The following PLCXD1 variants were observed in gnomAD, a reference collection of about 807,000 sequenced individuals.
PLCXD1 encodes the protein phosphatidylinositol specific phospholipase C X domain containing 1.
In PLCXD1, 45 loss-of-function variants were observed where a neutral mutation model predicts 37.8. The ratio of observed to expected loss-of-function variants is 1.19; its 90% confidence interval spans 0.94 to 1.53. The LOEUF (loss-of-function observed/expected upper bound fraction) is 1.53. Ranked by LOEUF, PLCXD1 falls within the 40% of genes most tolerant of loss-of-function variation. PLCXD1 has a pLI of 0.00. For synonymous variants in PLCXD1, 246 were observed against 206.9 expected (o/e 1.19, Z -1.62); for missense variants, 539 against 454.7 (o/e 1.19, Z -1.69).
rs1343866126 is a variant in PLCXD1, at chrX:302,408, T to C, written c.*3073T>C. On this transcript the variant is annotated 3_prime_UTR_variant, in exon 7 of 7. Transcript: ENST00000381657. ...TCCTGCAAATACTTTTTTTTGTTTT[T>C]TTGAGATGGATTTTCCCTCTTGTTG... The C allele has an allele frequency of 6.7e-6, 1 of 149,896 alleles. No individual in the cohort carries two copies. Among genetic ancestry groups the C allele is most frequent in the Admixed American group, 6.6e-5 (1 of 15,094 alleles). 9.3% of individuals were successfully genotyped at this position (149,896 alleles called of 1,614,324 possible).
chrX:283,364 A>T (rs2069336397), intron 1 of PLCXD1: 1 of 151,830 alleles, frequency 6.6e-6, no homozygotes, highest in Non-Finnish European at 1.5e-5. Context: ...AGCCCGTGTT[A>T]TACGGTGCCT....
chrX:293,908 T>G (rs1359060644), intron 6 of PLCXD1, among the ~76,000 whole-genome samples: 1 of 152,212 alleles, frequency 6.6e-6, no homozygotes, highest in Non-Finnish European at 1.5e-5. Flanking sequence ...AAACAGGGTC[T>G]CTCCTTTTAG....
At chrX:278,265 C>T (rs752480069), upstream of PLCXD1, among the ~76,000 whole-genome samples, 394 of 149,838 alleles carry the variant, frequency 2.6e-3, 1 homozygote, top group African/African-American at 9.2e-3. Context: ...GGGACTGTGA[C>T]GGGGGAAGGG....
At chrX:284,511 CAT>C (rs1185153080) in intron 2 of PLCXD1, among the ~76,000 whole-genome samples, 197 bp downstream of exon 2, 33 of 152,312 alleles carry the variant, frequency 2.2e-4, no homozygotes, top group Non-Finnish European at 3.7e-4. Flanking sequence ...CACATATGTA[CAT>C]AGTCATGGAC....
At chrX:296,847 G>C (rs1481359392) in intron 6 of PLCXD1, among the ~76,000 whole-genome samples, 1 of 149,958 alleles carries the variant, frequency 6.7e-6, no homozygotes, top group Non-Finnish European at 1.5e-5. Flanking sequence ...ATGGGGATTA[G>C]GACGTGGACA....
At chrX:282,910 A>G (rs966942972) in intron 1 of PLCXD1, among the ~76,000 whole-genome samples, 1 of 143,410 alleles carries the variant, frequency 7.0e-6, no homozygotes, top group African/African-American at 2.6e-5. Flanking sequence ...TATATTATAT[A>G]TGTATATATG....
intron 6 of PLCXD1, among the ~76,000 whole-genome samples, chrX:294,286 T>G (rs1341501339): frequency 6.6e-6 from 1 of 151,944 alleles, no homozygotes; most frequent in Admixed American, 6.6e-5. Context: ...ATCGAGACCA[T>G]CCCGGCTAAC....
At chrX:294,385 G>A (rs2069737236) in intron 6 of PLCXD1, among the ~76,000 whole-genome samples, 2 of 152,046 alleles carry the variant, frequency 1.3e-5, no homozygotes, top group African/African-American at 4.8e-5. Context: ...CGGAGGCTGA[G>A]GTAGGAGAAT....
Position 288,815 on chromosome X carries a change from CA to C in PLCXD1, c.212del (p.Lys71ArgfsTer12). ...AGTCCCGGCTGCTGCAGCTGCTGAA[CA>C]AGGCCTTGCCCTGCATCACGCGCCC... ...EESRLLQLLN[K>X]ALPCITRPVV... On this transcript the variant is annotated frameshift_variant, in exon 3 of 7. Transcript: ENST00000381657. LOFTEE classifies it high-confidence loss of function. 1 of 1,613,782 alleles carries C rather than the reference CA, an allele frequency of 6.2e-7. No homozygotes were observed. Among genetic ancestry groups the C allele is most frequent in the South Asian group, 1.1e-5 (1 of 91,066 alleles).
chrX:293,753 CAGTG>C (rs1258658770), intron 6 of PLCXD1, among the ~76,000 whole-genome samples: 5 of 152,144 alleles, frequency 3.3e-5, no homozygotes, highest in African/African-American at 1.2e-4. Flanking sequence ...ACATCACGCT[CAGTG>C]AGAGAAGCCA....
chrX:292,788 T>C (rs1486191319), intron 5 of PLCXD1, among the ~76,000 whole-genome samples: 2 of 151,504 alleles, frequency 1.3e-5, no homozygotes, highest in Admixed American at 6.6e-5. Flanking sequence ...AATTTTTGTA[T>C]TTTTAGTAGA....
intron 1 of PLCXD1, chrX:283,839 A>C: frequency 4.9e-6 from 1 of 204,362 alleles, no homozygotes. Flanking sequence ...GGAGCTGCAA[A>C]AAATGCTTCC....
At chrX:279,952 C>T (rs987139128), upstream of PLCXD1, among the ~76,000 whole-genome samples, 14 of 152,226 alleles carry the variant, frequency 9.2e-5, no homozygotes, top group East Asian at 1.9e-4. Context: ...CGGGTTCAAG[C>T]GATTCTCCTG....
At chrX:276,458 C>G (rs775335633), upstream of PLCXD1, 19 of 152,406 alleles carry the variant, frequency 1.2e-4, 1 homozygote, top group Admixed American at 1.2e-3. Context: ...CGGGTGCCGT[C>G]TGTGCCTGTT....
chrX:278,080 G>A (rs1221874044), upstream of PLCXD1, among the ~76,000 whole-genome samples: 1 of 133,418 alleles, frequency 7.5e-6, no homozygotes, highest in Non-Finnish European at 1.6e-5. Context: ...AGGGGACCTG[G>A]GATGTGAGGG....
At chrX:283,387 A>G (rs1257929336) in intron 1 of PLCXD1, 1 of 151,910 alleles carries the variant, frequency 6.6e-6, no homozygotes, top group South Asian at 2.1e-4. Context: ...AGGAGGCGTG[A>G]CTCATTTGCA....
At chrX:284,520 GGACATGCACA>G (rs2069381926) in intron 2 of PLCXD1, among the ~76,000 whole-genome samples, 1 of 152,208 alleles carries the variant, frequency 6.6e-6, no homozygotes, top group South Asian at 2.1e-4. Context: ...ACATAGTCAT[GGACATGCACA>G]GACATGCATA....
At chrX:292,853 TCCAC>T (rs1447552327) in intron 5 of PLCXD1, among the ~76,000 whole-genome samples, 178 bp from the exon 6 acceptor site, 1 of 152,086 alleles carries the variant, frequency 6.6e-6, no homozygotes, top group Non-Finnish European at 1.5e-5. Flanking sequence ...CCTCAGGTGA[TCCAC>T]CCACCTCGGC....
Position 298,812 on chromosome X carries a change from T to A in PLCXD1, c.734-285T>A, listed in dbSNP as rs867448199. On this transcript the variant is annotated intron_variant, in intron 6 of 6. Transcript: ENST00000381657. ...TGTCTATCACATGGGGATTAGGACG[T>A]GGACATCTTTGGGGCCATTATTCTG... Among the ~76,000 whole-genome samples, 31 of 139,704 alleles carry A rather than the reference T, an allele frequency of 2.2e-4. No individual in the cohort carries two copies. The South Asian group carries it at 6.5e-3, about 29-fold the overall frequency. The allele number at this position is 139,704 out of a possible 152,430, so 91.7% of individuals were successfully genotyped here. A position where few individuals can be genotyped will look rare whatever the true frequency, so the allele number is the denominator to read the frequency against.
Sources: gnomAD v4.1 joint callset for allele counts (sites outside exome capture counted in the v4.1 genomes callset) on GRCh38, gnomAD v4.1.1 for gene constraint, MANE v1.5 for transcripts, NCBI Gene and HGNC (gene_info 2026-07-23, HGNC 2026-07-21) for gene names.